UTRN: variants seen among roughly 807,000 people sequenced by gnomAD.
UTRN encodes dystrophin-related protein 1.
A neutral mutation model predicts 463.9 loss-of-function variants in UTRN; 283 were observed. The ratio of observed to expected loss-of-function variants is 0.61; its 90% CI spans 0.55 to 0.67. The LOEUF (loss-of-function observed/expected upper bound fraction) is 0.67, where lower values mean the gene tolerates loss of function less well. Among genes scored for constraint, UTRN ranks in the 30% least tolerant of loss-of-function variants. The probability of loss-of-function intolerance (pLI) is 0.00; values close to 1 mark genes in which losing one functional copy is unlikely to be tolerated. For missense variants in UTRN, 3,922 were observed against 4,084.3 expected, an observed-to-expected ratio of 0.96 and a Z score of 1.08; for synonymous variants, 1,442 against 1,431.5, an observed-to-expected ratio of 1.01 and a Z score of -0.17.
chr6:144,637,670 T>A (rs907648152), intron 51 of UTRN, among the ~76,000 whole-genome samples: 1 of 151,936 alleles, frequency 6.6e-6, no homozygotes, highest in Admixed American at 6.6e-5. Context: ...GGTGTTTTTC[T>A]GTACGTGGCA....
intron 2 of UTRN, among the ~76,000 whole-genome samples, chr6:144,302,858 C>A (rs1293411272): frequency 2.6e-5 from 4 of 152,156 alleles, no homozygotes; most frequent in Non-Finnish European, 5.9e-5. Flanking sequence ...AAGAACATTG[C>A]AGATGATGAG....
chr6:144,582,161 G>A (rs556677724), intron 51 of UTRN, among the ~76,000 whole-genome samples: 2 of 152,176 alleles, frequency 1.3e-5, no homozygotes, highest in East Asian at 3.9e-4. Flanking sequence ...ACTTTAAATC[G>A]TTGTAACATG....
At chr6:144,350,013 G>A (rs992781759) in intron 2 of UTRN, among the ~76,000 whole-genome samples, 4 of 152,166 alleles carry the variant, frequency 2.6e-5, no homozygotes, top group Admixed American at 2.0e-4. Context: ...TCATAGCCAG[G>A]TTCTACCATT....
At chr6:144,828,716 G>A (rs1284860692) in intron 68 of UTRN, 74 bp from the exon 69 acceptor site, 2 of 1,372,852 alleles carry the variant, frequency 1.5e-6, no homozygotes, top group Admixed American at 1.7e-5. Context: ...ATTTAAAAAT[G>A]ATTAAGGATG....
chr6:144,476,104 G>A (rs1407002727), intron 25 of UTRN, among the ~76,000 whole-genome samples: 1 of 149,564 alleles, frequency 6.7e-6, no homozygotes, highest in Admixed American at 6.6e-5. Flanking sequence ...GTAGAGATGG[G>A]GTTCTTAGAG....
At chr6:144,493,489 GTCTCTCTCTC>G (rs57311494) in intron 33 of UTRN, 33 bp downstream of exon 33, 12 of 1,510,668 alleles carry the variant, frequency 7.9e-6, no homozygotes, top group Non-Finnish European at 9.9e-6. Flanking sequence ...TCATCTCTCT[GTCTCTCTCTC>G]TCTCTCTCTC....
At chr6:144,329,011 C>T (rs1251559634) in intron 2 of UTRN, among the ~76,000 whole-genome samples, 2 of 151,198 alleles carry the variant, frequency 1.3e-5, no homozygotes, top group Non-Finnish European at 1.5e-5. Flanking sequence ...TCTTGAAGTC[C>T]TGACCTCAGG....
intron 51 of UTRN, among the ~76,000 whole-genome samples, chr6:144,611,167 C>T (rs938395526): frequency 1.4e-4 from 22 of 152,146 alleles, no homozygotes; most frequent in Non-Finnish European, 2.9e-4. Flanking sequence ...AAATTCAACA[C>T]CCTTTCATAA....
chr6:144,574,645 A>G (rs1801262095), intron 50 of UTRN, among the ~76,000 whole-genome samples: 1 of 152,148 alleles, frequency 6.6e-6, no homozygotes, highest in Admixed American at 6.5e-5. Context: ...CAGTGGCACA[A>G]TCTTGGCTCA....
chr6:144,661,951 T>C (rs910304545), intron 51 of UTRN, among the ~76,000 whole-genome samples: 3 of 152,122 alleles, frequency 2.0e-5, no homozygotes, highest in African/African-American at 4.8e-5. Flanking sequence ...GTAGAAGATA[T>C]CTACTGGCTT....
At chr6:144,453,372 C>G (rs187313731) in intron 18 of UTRN, among the ~76,000 whole-genome samples, 63 of 152,320 alleles carry the variant, frequency 4.1e-4, no homozygotes, top group Non-Finnish European at 8.1e-4. Context: ...ATCCACCCCC[C>G]TCAGCCTTCC....
chr6:144,304,475 G>T (rs1805538907), intron 2 of UTRN, among the ~76,000 whole-genome samples: 1 of 152,148 alleles, frequency 6.6e-6, no homozygotes, highest in South Asian at 2.1e-4. Context: ...AGATTAAACA[G>T]GCAGTTACAC....
At chr6:144,495,597 A>G (rs575929016) in intron 33 of UTRN, among the ~76,000 whole-genome samples, 3 of 152,342 alleles carry the variant, frequency 2.0e-5, no homozygotes, top group African/African-American at 4.8e-5. Context: ...CCCACAGTGC[A>G]GCGGTGGGCT....
chr6:144,760,965 GC>G (rs1376765895), intron 58 of UTRN, among the ~76,000 whole-genome samples: 2 of 152,134 alleles, frequency 1.3e-5, no homozygotes, highest in East Asian at 3.8e-4. Context: ...ATCACTTAAA[GC>G]CCACTTTGAT....
At chr6:144,778,610 A>G (rs1441940799) in intron 60 of UTRN, among the ~76,000 whole-genome samples, 3 of 151,096 alleles carry the variant, frequency 2.0e-5, no homozygotes, top group Admixed American at 6.6e-5. Flanking sequence ...AAATGCTAAT[A>G]ATAATAATAA....
In UTRN at chr6:144,487,538, T is replaced by C; in HGVS notation, c.3823-10T>C. ...TGCATTATTATTTTTTTTTCCCATC[T>C]CCATTCCAGTCTCTGGAATCTGTTC... On this transcript the variant is annotated splice_polypyrimidine_tract_variant and intron_variant, in intron 28 of 74. Coordinates refer to ENST00000367545, the MANE Select transcript of UTRN (RefSeq NM_007124.3). 1.9e-6 allele frequency: 3 copies of C among 1,580,694 alleles called. No individual in the cohort carries two copies. The highest frequency in any genetic ancestry group is 2.6e-6 in the Non-Finnish European group (3 of 1,161,436).
intron 69 of UTRN, 141 bp downstream of exon 69, chr6:144,828,996 A>G: frequency 1.2e-6 from 1 of 863,494 alleles, no homozygotes; most frequent in South Asian, 1.6e-5. Context: ...TTCTACGTAG[A>G]TTTTATGCTT....
intron 51 of UTRN, among the ~76,000 whole-genome samples, chr6:144,581,459 T>G (rs1333528820): frequency 7.2e-5 from 11 of 152,168 alleles, no homozygotes; most frequent in Non-Finnish European, 1.3e-4. Flanking sequence ...TCTCTAATAA[T>G]TTACGTTTTA....
rs1187285605 is a variant in UTRN, at chr6:144,700,195, T to A, written c.7761T>A (p.Pro2587=). The change falls in exon 53 of 75, where the codon CCT becomes CCA. Residue 2587 remains proline, a synonymous_variant. Transcript: ENST00000367545. ...ATGAAGAGCTTAAGAAACAAATGCC[T>A]ATTGGAGGAGATGTTCCAGCCTTAC... ...MKDEELKKQM[P]IGGDVPALQL... 6.2e-7 allele frequency: 1 copy of A among 1,613,486 alleles called. No homozygotes were observed. Among genetic ancestry groups the A allele is most frequent in the Non-Finnish European group, 8.5e-7 (1 of 1,179,684 alleles).
Sources: gnomAD v4.1 joint callset for allele counts (sites outside exome capture counted in the v4.1 genomes callset) on GRCh38, gnomAD v4.1.1 for gene constraint, MANE v1.5 for transcripts, NCBI Gene and HGNC (gene_info 2026-07-23, HGNC 2026-07-21) for gene names.